SEC16B: variants seen among roughly 807,000 people sequenced by gnomAD.
SEC16B encodes SEC16 homolog B, endoplasmic reticulum export factor.
Under a neutral mutation model 141.8 loss-of-function variants are expected in SEC16B, and 115 were observed. That is an observed-to-expected ratio of 0.81 (90% confidence interval 0.70 to 0.95). The LOEUF is 0.95. Among genes scored for constraint, SEC16B ranks in the 40% least tolerant of loss-of-function variants. The pLI, the probability that SEC16B is intolerant of heterozygous loss-of-function variation, is 0.00. For synonymous variants in SEC16B, 493 were observed against 492.5 expected (o/e 1.00, Z -0.01); for missense variants, 1,291 against 1,312.3 (o/e 0.98, Z 0.25).
chr1:177,947,390 A>T (rs1651791124), intron 13 of SEC16B, among the ~76,000 whole-genome samples: 2 of 152,140 alleles, frequency 1.3e-5, no homozygotes, highest in Non-Finnish European at 2.9e-5. Flanking sequence ...AATTTACAGC[A>T]ACAGGAGGCA....
At chr1:177,964,934 A>G in intron 4 of SEC16B, 113 bp downstream of exon 4, 1 of 1,283,178 alleles carries the variant, frequency 7.8e-7, no homozygotes, top group East Asian at 2.5e-5. Flanking sequence ...GGCTACAACA[A>G]AGGTACATGG....
chr1:177,980,343 T>C (rs1314510208), intron 1 of SEC16B, among the ~76,000 whole-genome samples: 1 of 152,190 alleles, frequency 6.6e-6, no homozygotes, highest in African/African-American at 2.4e-5. Context: ...TATTAATTCA[T>C]TTATTTATGA....
upstream of SEC16B, among the ~76,000 whole-genome samples, chr1:177,973,598 A>T (rs1654048874): frequency 6.6e-6 from 1 of 152,188 alleles, no homozygotes; most frequent in Admixed American, 6.5e-5. Context: ...TCCAAGATTG[A>T]TTAACTGTGC....
chr1:177,930,551 C>T lies in SEC16B; in HGVS notation c.3105G>A (p.Val1035=), dbSNP rs972787467. 4 of 1,612,824 alleles carry T rather than the reference C, an allele frequency of 2.5e-6. No homozygotes were observed. In the African/African-American group the frequency reaches 4.0e-5, roughly 16 times the overall value. ...CCCCTGAGGGCTTCCTTACCTGAGG[C>T]ACCTGAGATGGGTTGTAAAGAGGAA... ...GAVPLYNPSQ[V]PQLPTATSLN... is the part of the protein sequence containing the mutation. Residue 1035 remains valine (V), a synonymous_variant, in exon 25 of 26, where the codon GTG becomes GTA. Coordinates refer to ENST00000308284, the MANE Select transcript of SEC16B (RefSeq NM_033127.4).
chr1:177,963,155 G>T (rs1011628122), intron 5 of SEC16B, among the ~76,000 whole-genome samples: 1 of 151,748 alleles, frequency 6.6e-6, no homozygotes, highest in Non-Finnish European at 1.5e-5. Flanking sequence ...ACAGTGTAAG[G>T]TGCTGTACAT....
At chr1:177,983,625 G>T (rs1199088440) in intron 1 of SEC16B, among the ~76,000 whole-genome samples, 1 of 152,126 alleles carries the variant, frequency 6.6e-6, no homozygotes, top group Non-Finnish European at 1.5e-5. Flanking sequence ...CTTGGGAACA[G>T]CAGCCACAGA....
At chr1:177,966,510 T>G (rs976664517) in intron 2 of SEC16B, among the ~76,000 whole-genome samples, 14 of 152,300 alleles carry the variant, frequency 9.2e-5, no homozygotes, top group African/African-American at 3.4e-4. Flanking sequence ...CTTTGAGAAT[T>G]CAACAATCCA....
At chr1:177,948,796 T>G (rs1442083013) in intron 12 of SEC16B, among the ~76,000 whole-genome samples, 2 of 152,212 alleles carry the variant, frequency 1.3e-5, no homozygotes, top group Non-Finnish European at 2.9e-5. Flanking sequence ...TTCTCATCCC[T>G]AAAATGGAGA....
chr1:177,958,743 AT>A, intron 9 of SEC16B, 96 bp downstream of exon 9: 2 of 1,442,158 alleles, frequency 1.4e-6, no homozygotes, highest in Non-Finnish European at 1.8e-6. Flanking sequence ...CTTCTTTAAT[AT>A]TGCTTTTCAT....
chr1:177,969,340 T>C (rs1343875573), intron 1 of SEC16B, among the ~76,000 whole-genome samples: 1 of 152,202 alleles, frequency 6.6e-6, no homozygotes, highest in African/African-American at 2.4e-5. Context: ...GGAGGGGGCC[T>C]CCCACCTCAA....
intron 2 of SEC16B, among the ~76,000 whole-genome samples, chr1:177,966,843 G>C (rs1653563336): frequency 6.6e-6 from 1 of 152,138 alleles, no homozygotes; most frequent in Admixed American, 6.5e-5. Context: ...CCAAAGTGCT[G>C]GGATTACAGG....
rs182293045 is a variant in SEC16B at position 177,982,380 on chromosome 1, A to G, written c.-59+1826T>C. On this transcript the variant is annotated intron_variant and NMD_transcript_variant, in intron 1 of 24. Coordinates refer to the SEC16B transcript ENST00000528461. ...AGTGTGGTAGTTCCAGAGGAGGCTT[A>G]TGGGGATAAGTAATCCAAGAGAAGG... Among the ~76,000 whole-genome samples, 122 of 152,326 alleles carry G rather than the reference A, an allele frequency of 8.0e-4. 1 individual carries two copies. The highest frequency in any genetic ancestry group is 2.4e-3 in the African/African-American group (101 of 41,574).
chr1:177,933,127 G>T, intron 22 of SEC16B, 87 bp downstream of exon 22: 1 of 1,077,160 alleles, frequency 9.3e-7, no homozygotes, highest in South Asian at 1.5e-5. Context: ...AGACTCAGGT[G>T]CCAGCTCTGA....
chr1:177,969,345 C>T (rs1653798228), intron 1 of SEC16B, among the ~76,000 whole-genome samples: 1 of 152,174 alleles, frequency 6.6e-6, no homozygotes, highest in South Asian at 2.1e-4. Context: ...GGGCCTCCCA[C>T]CTCAAGGTCA....
In SEC16B at chr1:177,929,583, C is replaced by T; in HGVS notation, c.*275G>A. ...CTCAAGCCACCACCATAAGTGCCACCACCATGTCACTCTGCTCATGTGCAG... is the reference window on the plus strand; with the variant it reads ...CTCAAGCCACCACCATAAGTGCCACTACCATGTCACTCTGCTCATGTGCAG... On this transcript the variant is annotated 3_prime_UTR_variant, in exon 26 of 26. Coordinates refer to ENST00000308284, the MANE Select transcript of SEC16B (RefSeq NM_033127.4). 1 of 431,594 alleles carries T rather than the reference C, an allele frequency of 2.3e-6. No homozygotes were observed. Among genetic ancestry groups the T allele is most frequent in the Non-Finnish European group, 4.2e-6 (1 of 236,014 alleles). 26.7% of individuals were successfully genotyped at this position (431,594 alleles called of 1,614,324 possible). A position where few individuals can be genotyped will look rare whatever the true frequency, so the allele number is the denominator to read the frequency against.
chr1:177,965,906 C>A lies in SEC16B; in HGVS notation c.399G>T (p.Leu133=). The change falls in exon 3 of 26, where the codon CTG becomes CTT. Residue 133 remains leucine, a synonymous_variant. Transcript: ENST00000308284. The part of the protein sequence containing the change: ...SYYYHGHPQW[L]QEERVPRQRS... ...ACTTTTCCATACCTCTTTCTTCCTG[C>A]AGCCACTGTGGGTGTCCATGATAGT... 6.3e-7 allele frequency: 1 copy of A among 1,586,800 alleles called. No individual in the cohort carries two copies. Among genetic ancestry groups the A allele is most frequent in the Non-Finnish European group, 8.6e-7 (1 of 1,163,908 alleles).
At position 177,958,837 on chromosome 1, in the gene SEC16B, T is replaced by C. The variant is rs1652833118; in HGVS notation, c.1134+3A>G. 1.2e-6 allele frequency: 2 copies of C among 1,612,964 alleles called. No individual in the cohort carries two copies. Among genetic ancestry groups the C allele is most frequent in the South Asian group, 1.1e-5 (1 of 91,014 alleles). On this transcript the variant is annotated splice_donor_region_variant and intron_variant, in intron 9 of 25. Coordinates refer to ENST00000308284, the MANE Select transcript of SEC16B (RefSeq NM_033127.4). Reference sequence around the variant, plus strand: ...CCTGCTCTCCCACCAGAACAGAACTTACCCCATTCTGGCGACAAAGGAGAA... The same window carrying C: ...CCTGCTCTCCCACCAGAACAGAACTCACCCCATTCTGGCGACAAAGGAGAA...
intron 12 of SEC16B, among the ~76,000 whole-genome samples, chr1:177,948,238 A>G (rs1388107837): frequency 3.9e-5 from 6 of 152,254 alleles, no homozygotes; most frequent in Non-Finnish European, 7.3e-5. Context: ...ATTTCTCCCC[A>G]GTGCCTGACC....
intron 22 of SEC16B, 66 bp downstream of exon 22, chr1:177,933,148 G>A (rs1488112181): frequency 1.5e-6 from 2 of 1,317,032 alleles, no homozygotes; most frequent in Non-Finnish European, 1.1e-6. Flanking sequence ...GAGCTCCTAG[G>A]TGCTGAGGCA....
Sources: allele counts gnomAD v4.1 joint callset (sites outside exome capture counted in the v4.1 genomes callset), GRCh38; gene constraint gnomAD v4.1.1; transcripts MANE v1.5; gene names NCBI Gene and HGNC (gene_info 2026-07-23, HGNC 2026-07-21).